Variants in LRP1B observed in about 807,000 individuals in gnomAD.
LRP1B encodes the protein low-density lipoprotein receptor-related protein 1B.
LRP1B carries 217 observed loss-of-function variants against 556.6 expected under a neutral mutation model. The ratio of observed to expected loss-of-function variants is 0.39; its 90% CI spans 0.35 to 0.44. LRP1B has a LOEUF of 0.44. Among genes scored for constraint, LRP1B ranks in the 20% least tolerant of loss-of-function variants. LRP1B has a pLI of 1.00. For synonymous variants in LRP1B, 2,047 were observed against 1,865.8 expected, an observed-to-expected ratio of 1.10 and a Z score of -2.50; for missense variants, 5,053 against 5,620.8, an observed-to-expected ratio of 0.90 and a Z score of 3.23.
chr2:142,015,456 G>A (rs527509116), intron 1 of LRP1B, among the ~76,000 whole-genome samples: 21 of 152,204 alleles, frequency 1.4e-4, no homozygotes, highest in South Asian at 4.1e-4. Flanking sequence ...CAGGACATAG[G>A]CATGGGCAAA....
At chr2:140,679,069 G>A (rs953533700) in intron 41 of LRP1B, among the ~76,000 whole-genome samples, 17 of 152,170 alleles carry the variant, frequency 1.1e-4, no homozygotes, top group Non-Finnish European at 1.5e-4. Flanking sequence ...GAGCCACCAC[G>A]CCCGGCCAGG....
chr2:140,984,978 A>T (rs567235684), intron 17 of LRP1B, among the ~76,000 whole-genome samples: 1 of 152,086 alleles, frequency 6.6e-6, no homozygotes, highest in Non-Finnish European at 1.5e-5. Flanking sequence ...TCACTTTTTC[A>T]TCTCTTGTCT....
At chr2:140,987,231 A>G (rs1295039724) in intron 17 of LRP1B, among the ~76,000 whole-genome samples, 3 of 152,128 alleles carry the variant, frequency 2.0e-5, no homozygotes, top group African/African-American at 7.2e-5. Flanking sequence ...AATAGCTGTC[A>G]TAAATATACT....
At position 141,478,359 on chromosome 2, in the gene LRP1B, A is replaced by G. The variant is rs984244297; in HGVS notation, c.343+2037T>C. On this transcript the variant is annotated intron_variant, in intron 3 of 90. Coordinates refer to ENST00000389484, the MANE Select transcript of LRP1B (RefSeq NM_018557.3). ...TTTGTTCTTTTAAAAGCTTAGTCAT[A>G]CATATCTATCTGAAAATTCAAAAAC... Among the ~76,000 whole-genome samples, 17 of 152,212 alleles carry G rather than the reference A, an allele frequency of 1.1e-4. No individual in the cohort carries two copies. The South Asian group carries it at 1.7e-3, about 15-fold the overall frequency.
chr2:141,090,225 A>G (rs1251281412), intron 7 of LRP1B, among the ~76,000 whole-genome samples: 2 of 152,236 alleles, frequency 1.3e-5, no homozygotes, highest in Non-Finnish European at 2.9e-5. Context: ...CAAGAATAAT[A>G]ATCTATCAAT....
At chr2:140,938,305 G>A (rs1038459376) in intron 20 of LRP1B, among the ~76,000 whole-genome samples, 13 of 151,812 alleles carry the variant, frequency 8.6e-5, no homozygotes, top group African/African-American at 3.1e-4. Context: ...CAATGAAAAA[G>A]TCCTAGAATC....
chr2:141,591,581 GGTGTGTGTGTGTGTGT>G (rs72043982), intron 2 of LRP1B, among the ~76,000 whole-genome samples: 1 of 148,126 alleles, frequency 6.8e-6, no homozygotes, highest in Non-Finnish European at 1.5e-5. Context: ...ACTGCAGAGT[GGTGTGTGTGTGTGTGT>G]GTGTGTGTGT....
At chr2:141,046,097 A>G (rs1269105033) in intron 11 of LRP1B, among the ~76,000 whole-genome samples, 2 of 152,140 alleles carry the variant, frequency 1.3e-5, no homozygotes, top group African/African-American at 4.8e-5. Context: ...ATGAATAAAG[A>G]TGGATTTTTT....
At chr2:140,608,703 A>G (rs1181610616) in intron 41 of LRP1B, among the ~76,000 whole-genome samples, 2 of 152,196 alleles carry the variant, frequency 1.3e-5, no homozygotes, top group African/African-American at 4.8e-5. Context: ...TTTACACTGC[A>G]TAGCAAAACA....
At chr2:141,990,070 CTG>C (rs1206895950) in intron 1 of LRP1B, among the ~76,000 whole-genome samples, 3 of 152,078 alleles carry the variant, frequency 2.0e-5, no homozygotes, top group Admixed American at 2.0e-4. Context: ...TCTTTAAAAA[CTG>C]TGACTATCCA....
At chr2:141,790,512 A>C (rs1031808068) in intron 2 of LRP1B, among the ~76,000 whole-genome samples, 2 of 151,888 alleles carry the variant, frequency 1.3e-5, no homozygotes, top group African/African-American at 4.8e-5. Flanking sequence ...ATTTCTACCC[A>C]GCTTGAACAA....
rs573694059 is a variant in LRP1B at position 141,183,514 on chromosome 2, C to T, written c.1013+4907G>A. ...TTGTGTGAATTTAACTTGAGATGAG[C>T]TTCACTCTCCTGTCTCCTGGCAGAT... On this transcript the variant is annotated intron_variant, in intron 7 of 90. Coordinates refer to ENST00000389484, the MANE Select transcript of LRP1B (RefSeq NM_018557.3). Among the ~76,000 whole-genome samples the T allele has an allele frequency of 1.5e-3, 230 of 152,116 alleles. 1 individual carries two copies. Among genetic ancestry groups the T allele is most frequent in the Non-Finnish European group, 2.6e-3 (177 of 67,940 alleles).
chr2:140,231,726 G>T lies in LRP1B; in HGVS notation c.*1460C>A, dbSNP rs186118648. The stretch of plus-strand genomic sequence containing the variant: ...CAAAAAGTCTTCTTATAAAACAGCA[G>T]TTTTTTTAATGCTTGTACAAAGGGA... On this transcript the variant is annotated 3_prime_UTR_variant, in exon 91 of 91. Coordinates refer to ENST00000389484, the MANE Select transcript of LRP1B (RefSeq NM_018557.3). 1.8e-4 allele frequency: 28 copies of T among 151,566 alleles called. No individual in the cohort carries two copies. Among genetic ancestry groups the T allele is most frequent in the African/African-American group, 5.6e-4 (23 of 41,378 alleles). 9.4% of individuals were successfully genotyped at this position (151,566 alleles called of 1,614,324 possible).
chr2:141,008,275 T>C (rs1295842036), intron 14 of LRP1B, among the ~76,000 whole-genome samples: 1 of 151,502 alleles, frequency 6.6e-6, no homozygotes, highest in East Asian at 1.9e-4. Context: ...TATATTTTAT[T>C]CAATTTTTTT....
chr2:141,835,013 T>G (rs565697281), intron 1 of LRP1B, among the ~76,000 whole-genome samples: 1 of 152,094 alleles, frequency 6.6e-6, no homozygotes, highest in Non-Finnish European at 1.5e-5. Context: ...TGATATTGTA[T>G]AGAGGAATCT....
chr2:141,196,751 T>C (rs1681768837), intron 6 of LRP1B, among the ~76,000 whole-genome samples: 1 of 152,170 alleles, frequency 6.6e-6, no homozygotes, highest in Admixed American at 6.6e-5. Context: ...TTTGACATCA[T>C]TCCTGTTGCC....
intron 35 of LRP1B, among the ~76,000 whole-genome samples, chr2:140,748,801 TATTATATACATGTATATAATATATATC>T (rs780524566): frequency 0.051 from 6,367 of 125,850 alleles, 849 homozygotes; most frequent in Middle Eastern, 0.1. Flanking sequence ...ATTATATACA[TATTATATACATGTATATAATATATATC>T]ATATATTATA....
At chr2:141,062,452 T>C (rs1201344465) in intron 7 of LRP1B, among the ~76,000 whole-genome samples, 179 bp from the exon 8 acceptor site, 1 of 151,852 alleles carries the variant, frequency 6.6e-6, no homozygotes, top group African/African-American at 2.4e-5. Context: ...CTAATGAATA[T>C]TGCAGGGCAT....
At chr2:140,931,551 G>A (rs1695050063) in intron 20 of LRP1B, among the ~76,000 whole-genome samples, 3 of 152,088 alleles carry the variant, frequency 2.0e-5, no homozygotes, top group Admixed American at 2.0e-4. Flanking sequence ...AAGTTTAATA[G>A]AAGGGAATGG....
Sources: gnomAD v4.1 joint callset for allele counts (sites outside exome capture counted in the v4.1 genomes callset) on GRCh38, gnomAD v4.1.1 for gene constraint, MANE v1.5 for transcripts, NCBI Gene and HGNC (gene_info 2026-07-23, HGNC 2026-07-21) for gene names.